Variants in LRBA observed in about 807,000 individuals in gnomAD.
LRBA encodes lipopolysaccharide-responsive and beige-like anchor protein.
In LRBA, 176 loss-of-function variants were observed where a neutral mutation model predicts 330.0. That is an observed-to-expected ratio of 0.53 (90% CI 0.47 to 0.60). The LOEUF is 0.60. Ranked by LOEUF, LRBA falls within the 20% of genes least tolerant of loss-of-function variation. The probability of loss-of-function intolerance (pLI) is 0.00; values close to 1 mark genes in which losing one functional copy is unlikely to be tolerated. For missense variants in LRBA, 3,259 were observed against 3,444.8 expected (o/e 0.95, Z 1.35); for synonymous variants, 1,230 against 1,193.0 (o/e 1.03, Z -0.64).
At chr4:150,358,352 C>T (rs958584117) in intron 47 of LRBA, among the ~76,000 whole-genome samples, 3 of 152,014 alleles carry the variant, frequency 2.0e-5, no homozygotes, top group Non-Finnish European at 2.9e-5. Flanking sequence ...AAGGACACAG[C>T]CTGTATGAAA....
intron 36 of LRBA, among the ~76,000 whole-genome samples, chr4:150,716,028 G>A (rs1329497850): frequency 6.6e-6 from 1 of 152,138 alleles, no homozygotes; most frequent in Non-Finnish European, 1.5e-5. Context: ...ATGTTCTGAT[G>A]ATATAGCTCG....
At chr4:150,576,511 T>C (rs2126306766) in intron 40 of LRBA, among the ~76,000 whole-genome samples, 1 of 152,064 alleles carries the variant, frequency 6.6e-6, no homozygotes, top group South Asian at 2.1e-4. Context: ...AGCTGCTTAC[T>C]TTAATTTTCC....
chr4:150,776,886 T>C (rs1737412725), intron 34 of LRBA, among the ~76,000 whole-genome samples: 1 of 152,162 alleles, frequency 6.6e-6, no homozygotes, highest in African/African-American at 2.4e-5. Context: ...AAAATTGTAA[T>C]ACACACATAT....
At chr4:150,773,970 T>C (rs1189979611) in intron 34 of LRBA, among the ~76,000 whole-genome samples, 1 of 152,188 alleles carries the variant, frequency 6.6e-6, no homozygotes, top group East Asian at 1.9e-4. Flanking sequence ...ACAGTAACCC[T>C]GGTAAAAGGT....
chr4:150,954,205 C>T (rs1364229469), intron 2 of LRBA, among the ~76,000 whole-genome samples: 6 of 151,322 alleles, frequency 4.0e-5, no homozygotes, highest in Middle Eastern at 6.9e-3. Flanking sequence ...CCCCTCTGCC[C>T]GGCCACCCCG....
At chr4:150,620,388 A>G (rs967899247) in intron 37 of LRBA, among the ~76,000 whole-genome samples, 2 of 152,264 alleles carry the variant, frequency 1.3e-5, no homozygotes, top group South Asian at 4.1e-4. Flanking sequence ...TCTATGGAAA[A>G]CTGTTTGGAA....
At chr4:150,909,491 TTA>T (rs1236714099) in intron 9 of LRBA, among the ~76,000 whole-genome samples, 1 of 149,626 alleles carries the variant, frequency 6.7e-6, no homozygotes, top group Non-Finnish European at 1.5e-5. Context: ...TCCCGTGTGT[TTA>T]TGTGTGTTGT....
At chr4:150,899,324 T>C (rs1035717356) in intron 14 of LRBA, among the ~76,000 whole-genome samples, 1 of 152,146 alleles carries the variant, frequency 6.6e-6, no homozygotes, top group Non-Finnish European at 1.5e-5. Flanking sequence ...GAAGCGAATA[T>C]GTGAAAACAG....
chr4:150,639,473 C>T (rs963335648), intron 37 of LRBA, among the ~76,000 whole-genome samples: 35 of 147,398 alleles, frequency 2.4e-4, no homozygotes, highest in African/African-American at 7.5e-4. Context: ...CTACCCCACC[C>T]GTGGTACTCA....
intron 44 of LRBA, among the ~76,000 whole-genome samples, chr4:150,438,409 A>G (rs1751408510): frequency 6.6e-6 from 1 of 152,108 alleles, no homozygotes; most frequent in African/African-American, 2.4e-5. Flanking sequence ...CATGAGCCCA[A>G]GCACCTTAAA....
intron 53 of LRBA, among the ~76,000 whole-genome samples, chr4:150,294,682 T>C (rs1369574725): frequency 6.6e-6 from 1 of 152,236 alleles, no homozygotes. Flanking sequence ...CCAGGCGCAG[T>C]GGCTCACGCC....
intron 41 of LRBA, among the ~76,000 whole-genome samples, chr4:150,489,554 C>T (rs1225909163): frequency 3.5e-5 from 3 of 85,024 alleles, no homozygotes; most frequent in Non-Finnish European, 6.2e-5. Context: ...TATAAGAATA[C>T]ATAATATATA....
At chr4:150,850,234 C>T (rs1750449296) in intron 24 of LRBA, among the ~76,000 whole-genome samples, 1 of 151,918 alleles carries the variant, frequency 6.6e-6, no homozygotes, top group African/African-American at 2.4e-5. Context: ...GCTGGGACTA[C>T]AGACGCCCGC....
At chr4:150,409,815 A>G (rs973805956) in intron 47 of LRBA, among the ~76,000 whole-genome samples, 4 of 152,154 alleles carry the variant, frequency 2.6e-5, no homozygotes, top group Non-Finnish European at 5.9e-5. Flanking sequence ...AGTAAATTAC[A>G]TATCACGGCT....
At chr4:150,732,095 T>G (rs1016382565) in intron 36 of LRBA, among the ~76,000 whole-genome samples, 1 of 152,130 alleles carries the variant, frequency 6.6e-6, no homozygotes, top group African/African-American at 2.4e-5. Context: ...GTTTAAAAAC[T>G]GAAGCCATCA....
At chr4:150,984,836 T>C (rs917997461) in intron 2 of LRBA, among the ~76,000 whole-genome samples, 5 of 152,046 alleles carry the variant, frequency 3.3e-5, no homozygotes, top group African/African-American at 1.2e-4. Context: ...AAAAAGTAAA[T>C]GGAATTATAA....
chr4:150,456,659 G>A (rs539498889), intron 44 of LRBA, among the ~76,000 whole-genome samples: 14 of 151,998 alleles, frequency 9.2e-5, no homozygotes, highest in Admixed American at 3.3e-4. Flanking sequence ...CCTTTGCTGC[G>A]CAGAAGCCTT....
At chr4:150,508,353 G>A (rs923823024) in intron 40 of LRBA, among the ~76,000 whole-genome samples, 1 of 150,456 alleles carries the variant, frequency 6.6e-6, no homozygotes, top group African/African-American at 2.4e-5. Flanking sequence ...CGTGATCTCT[G>A]CTCACTGCAA....
chr4:150,834,350 A>G (rs1747667620), intron 28 of LRBA, among the ~76,000 whole-genome samples: 1 of 152,206 alleles, frequency 6.6e-6, no homozygotes, highest in Non-Finnish European at 1.5e-5. Flanking sequence ...GTCTTAAATA[A>G]TAAGAAGTAT....
Sources: gnomAD v4.1 joint callset for allele counts (sites outside exome capture counted in the v4.1 genomes callset) on GRCh38, gnomAD v4.1.1 for gene constraint, MANE v1.5 for transcripts, NCBI Gene and HGNC (gene_info 2026-07-23, HGNC 2026-07-21) for gene names.